ANO2: variants seen among roughly 807,000 people sequenced by gnomAD.
ANO2 encodes anoctamin 2, also known as anoctamin-2.
Under a neutral mutation model 124.2 loss-of-function variants are expected in ANO2, and 101 were observed. The observed-to-expected ratio is 0.81, with a 90% CI of 0.69 to 0.96. The LOEUF is 0.96. Ranked by LOEUF, ANO2 falls within the 40% of genes least tolerant of loss-of-function variation. The pLI is 0.00. For missense variants in ANO2, 1,293 were observed against 1,274.5 expected (o/e 1.01, Z -0.22); for synonymous variants, 486 against 482.5 (o/e 1.01, Z -0.09).
chr12:5,576,950 T>C (rs896640355), intron 22 of ANO2, among the ~76,000 whole-genome samples: 7 of 152,226 alleles, frequency 4.6e-5, no homozygotes, highest in African/African-American at 1.4e-4. Flanking sequence ...AATGATCTTA[T>C]TTGGTGGGTA....
intron 1 of ANO2, among the ~76,000 whole-genome samples, chr12:5,934,536 G>C (rs1942568043): frequency 6.6e-6 from 1 of 152,124 alleles, no homozygotes; most frequent in South Asian, 2.1e-4. Flanking sequence ...TTACAAATTG[G>C]GACTTGGATG....
At chr12:5,867,790 A>AAC (rs1164260390) in intron 3 of ANO2, among the ~76,000 whole-genome samples, 2 of 151,100 alleles carry the variant, frequency 1.3e-5, no homozygotes, top group Non-Finnish European at 3.0e-5. Flanking sequence ...AAAAAAAAAA[A>AAC]AAAAAAAAAA....
At chr12:5,913,339 G>C (rs1941167105) in intron 3 of ANO2, among the ~76,000 whole-genome samples, 1 of 152,140 alleles carries the variant, frequency 6.6e-6, no homozygotes, top group Non-Finnish European at 1.5e-5. Context: ...GACTGATCTG[G>C]GTCCCAAAAA....
At chr12:5,853,294 T>G (rs10774380) in intron 4 of ANO2, among the ~76,000 whole-genome samples, 111,892 of 150,542 alleles carry the variant, frequency 0.74, 42,186 homozygotes, top group East Asian at 0.99. Flanking sequence ...GAGCCACCGT[T>G]CCTGGCCTCT....
chr12:5,810,691 G>A (rs1321389582), intron 7 of ANO2, among the ~76,000 whole-genome samples: 1 of 152,192 alleles, frequency 6.6e-6, no homozygotes, highest in Non-Finnish European at 1.5e-5. Context: ...TATAGCCCCT[G>A]AGGAGCCCCT....
At chr12:5,830,620 T>C (rs1954121626) in intron 5 of ANO2, 131 bp from the exon 6 acceptor site, 1 of 606,272 alleles carries the variant, frequency 1.6e-6, no homozygotes, top group Non-Finnish European at 2.8e-6. Context: ...ACACACACGA[T>C]GTTTATGCCC....
chr12:5,812,329 G>GA (rs1565687692), intron 7 of ANO2, among the ~76,000 whole-genome samples: 1 of 130,230 alleles, frequency 7.7e-6, no homozygotes, highest in African/African-American at 2.8e-5. Context: ...GGGAGGGAGG[G>GA]AGGGAAGGAG....
chr12:5,600,065 A>G (rs1943859485), intron 19 of ANO2, among the ~76,000 whole-genome samples: 1 of 152,166 alleles, frequency 6.6e-6, no homozygotes, highest in Non-Finnish European at 1.5e-5. Context: ...TTCCATTAAA[A>G]CCAAGCTAAA....
chr12:5,917,487 G>C (rs1006630943), intron 3 of ANO2, among the ~76,000 whole-genome samples: 3 of 151,710 alleles, frequency 2.0e-5, no homozygotes, highest in African/African-American at 4.8e-5. Flanking sequence ...TAGTGTTCTA[G>C]GTACTTTATT....
In ANO2 at chr12:5,635,295, G is replaced by C. The variant is rs748401795; in HGVS notation, c.1673C>G (p.Thr558Ser). 1.9e-6 allele frequency: 3 copies of C among 1,607,666 alleles called. No homozygotes were observed. In the South Asian group the frequency reaches 3.3e-5, roughly 18 times the overall value. The change falls in exon 16 of 25, where the codon ACT (threonine) becomes AGT (serine). Residue 558 changes from threonine (T) to serine (S), a missense_variant. Coordinates refer to ENST00000682330, the MANE Select transcript of ANO2 (RefSeq NM_001364791.2). This position sits in a 1 kb window ranked among gnomAD's most constrained non-coding sequence, Gnocchi z 5.2. ...VFGVIVYRIT[T>S]AAALSLNKAT... ...CTTATTGAGAGACAGAGCGGCTGCA[G>C]TTGTTATTCGATACACTATCACCCC...
At chr12:5,805,883 C>T (rs548725987) in intron 9 of ANO2, among the ~76,000 whole-genome samples, 169 bp downstream of exon 9, 1 of 152,228 alleles carries the variant, frequency 6.6e-6, no homozygotes, top group South Asian at 2.1e-4. Context: ...ACAGTAGCAA[C>T]CACCCTCACA....
At chr12:5,757,393 T>G (rs1294668246) in intron 10 of ANO2, among the ~76,000 whole-genome samples, 2 of 152,238 alleles carry the variant, frequency 1.3e-5, no homozygotes, top group Non-Finnish European at 2.9e-5. Context: ...CAGTTAAGCC[T>G]CTAAAATACA....
intron 16 of ANO2, among the ~76,000 whole-genome samples, chr12:5,629,405 A>T (rs1490291586): frequency 6.6e-6 from 1 of 152,144 alleles, no homozygotes; most frequent in African/African-American, 2.4e-5. Flanking sequence ...CTAAGATCCT[A>T]TAGTTTTCCT....
intron 10 of ANO2, among the ~76,000 whole-genome samples, chr12:5,751,737 T>C (rs1297206539): frequency 6.0e-5 from 9 of 150,836 alleles, no homozygotes; most frequent in Admixed American, 5.9e-4. Context: ...TAAGAGCAAT[T>C]AATGTGAGAT....
chr12:5,798,204 G>A (rs968631623), intron 10 of ANO2, among the ~76,000 whole-genome samples: 5 of 151,828 alleles, frequency 3.3e-5, no homozygotes, highest in Non-Finnish European at 5.9e-5. Flanking sequence ...CAGTCTAGGT[G>A]GCCCATGCCA....
At chr12:5,727,960 C>T (rs1459723419) in intron 14 of ANO2, among the ~76,000 whole-genome samples, 1 of 152,142 alleles carries the variant, frequency 6.6e-6, no homozygotes, top group Non-Finnish European at 1.5e-5. Context: ...GCGCCCGCCA[C>T]CACGCCCAGC....
At chr12:5,842,242 G>T (rs1954535364) in intron 4 of ANO2, among the ~76,000 whole-genome samples, 1 of 152,084 alleles carries the variant, frequency 6.6e-6, no homozygotes. Flanking sequence ...GTGGGGCCAG[G>T]GAACAGTTAT....
At chr12:5,594,343 T>C (rs1181320785) in intron 20 of ANO2, among the ~76,000 whole-genome samples, 1 of 152,214 alleles carries the variant, frequency 6.6e-6, no homozygotes, top group East Asian at 1.9e-4. Context: ...CTCCTGAGCC[T>C]TACTATCCCT....
At chr12:5,675,946 C>T (rs1948222496) in intron 14 of ANO2, among the ~76,000 whole-genome samples, 1 of 152,180 alleles carries the variant, frequency 6.6e-6, no homozygotes, top group Admixed American at 6.5e-5. Flanking sequence ...CTCCTCCTTC[C>T]ACGAGTTTCC....
Sources: gnomAD v4.1 joint callset for allele counts (sites outside exome capture counted in the v4.1 genomes callset) on GRCh38, gnomAD v4.1.1 for gene constraint, Gnocchi (gnomAD v3.1) non-coding constraint, MANE v1.5 for transcripts, NCBI Gene and HGNC (gene_info 2026-07-23, HGNC 2026-07-21) for gene names.